CADPS2: variants seen among roughly 807,000 people sequenced by gnomAD.
CADPS2 encodes the protein calcium-dependent secretion activator 2.
Under a neutral mutation model 172.5 loss-of-function variants are expected in CADPS2, and 93 were observed. The ratio of observed to expected loss-of-function variants is 0.54; its 90% confidence interval spans 0.46 to 0.64. The LOEUF is 0.64. CADPS2 is among the 30% of genes least tolerant of loss of function. The pLI, the probability that CADPS2 is intolerant of heterozygous loss-of-function variation, is 0.00. For missense variants in CADPS2, 1,420 were observed against 1,565.9 expected (o/e 0.91, Z 1.57); for synonymous variants, 546 against 555.2 (o/e 0.98, Z 0.23).
chr7:122,342,441 C>A (rs564111534), intron 28 of CADPS2, among the ~76,000 whole-genome samples: 1 of 152,250 alleles, frequency 6.6e-6, no homozygotes, highest in South Asian at 2.1e-4. Context: ...TTATAGAGGT[C>A]AGGGATACTG....
intron 6 of CADPS2, among the ~76,000 whole-genome samples, chr7:122,608,027 G>A (rs2133692995): frequency 6.6e-6 from 1 of 152,050 alleles, no homozygotes; most frequent in Admixed American, 6.6e-5. Flanking sequence ...GACCATCCTG[G>A]CCAACACAGT....
At chr7:122,446,980 G>GA (rs1305129997) in intron 15 of CADPS2, among the ~76,000 whole-genome samples, 1 of 150,132 alleles carries the variant, frequency 6.7e-6, no homozygotes, top group African/African-American at 2.4e-5. Flanking sequence ...TTTTGGGTGG[G>GA]AGGCTAAATA....
At position 122,471,381 on chromosome 7, in the gene CADPS2, C is replaced by T. The variant is rs2055917119; in HGVS notation, c.2180G>A (p.Gly727Asp). 4 of 1,609,826 alleles carry T rather than the reference C, an allele frequency of 2.5e-6. No homozygotes were observed. The highest frequency in any genetic ancestry group is 3.4e-6 in the Non-Finnish European group (4 of 1,177,948). ...TATTTGCAAGTAAAAATACCTGTTG[C>T]CGTGCACATGAGAGGCACAGAATGC... ...SFAFCASHVH[G>D]NRPDGIGTVS... is the part of the protein sequence containing the mutation. The change falls in exon 14 of 30, where the codon GGC becomes GAC. Residue 727 changes from glycine to aspartate, a missense_variant. Gly to Asp is a moderately conservative substitution (Grantham distance 94, BLOSUM62 -1). Transcript: ENST00000449022.
intron 1 of CADPS2, among the ~76,000 whole-genome samples, chr7:122,882,095 C>A (rs564799849): frequency 6.6e-6 from 1 of 152,062 alleles, no homozygotes; most frequent in South Asian, 2.1e-4. Context: ...TTCAAATGAG[C>A]GAGTTGGAGG....
Position 122,451,415 on chromosome 7 carries a change from C to T in CADPS2, c.2247G>A (p.Glu749=), listed in dbSNP as rs765322145. The T allele has an allele frequency of 6.3e-7, 1 of 1,578,422 alleles. No homozygotes were observed. Among genetic ancestry groups the T allele is most frequent in the Admixed American group, 1.7e-5 (1 of 57,784 alleles). Residue 749 remains glutamate (E), a synonymous_variant, in exon 15 of 30, where the codon GAG becomes GAA. Coordinates refer to ENST00000449022, the MANE Select transcript of CADPS2 (RefSeq NM_017954.11). ...EEKERFEEIK[E]RLSSLLENQI... ...GATTTTCTAAAAGGGAAGAGAGTCTCTCTTTTATCTCCTCAAATCTTTCTT... is the reference window on the plus strand; with the variant it reads ...GATTTTCTAAAAGGGAAGAGAGTCTTTCTTTTATCTCCTCAAATCTTTCTT...
chr7:122,721,100 G>A (rs1432083170), intron 2 of CADPS2, among the ~76,000 whole-genome samples: 1 of 151,914 alleles, frequency 6.6e-6, no homozygotes, highest in Non-Finnish European at 1.5e-5. Context: ...AACACAAAAA[G>A]GAAAACTTAA....
intron 1 of CADPS2, among the ~76,000 whole-genome samples, chr7:122,785,008 TCTAA>T (rs1490941901): frequency 6.6e-6 from 1 of 152,202 alleles, no homozygotes; most frequent in Non-Finnish European, 1.5e-5. Context: ...CCTCAAGATT[TCTAA>T]CTTTTAATCA....
chr7:122,578,176 G>A (rs1352673123), intron 7 of CADPS2, among the ~76,000 whole-genome samples: 3 of 150,890 alleles, frequency 2.0e-5, no homozygotes, highest in African/African-American at 4.9e-5. Context: ...CATACATTAT[G>A]TATACCAACA....
chr7:122,430,126 CAG>C (rs953385409), intron 17 of CADPS2, among the ~76,000 whole-genome samples: 3 of 152,118 alleles, frequency 2.0e-5, no homozygotes, highest in Non-Finnish European at 2.9e-5. Flanking sequence ...AATAAGAACA[CAG>C]GGGTTAAACC....
chr7:122,721,624 G>A (rs986765478), intron 2 of CADPS2, among the ~76,000 whole-genome samples: 6 of 152,228 alleles, frequency 3.9e-5, no homozygotes, highest in African/African-American at 1.4e-4. Context: ...GGAGGAGCTG[G>A]TACCATTCCT....
At chr7:122,760,660 T>C (rs1368015791) in intron 1 of CADPS2, among the ~76,000 whole-genome samples, 2 of 151,844 alleles carry the variant, frequency 1.3e-5, no homozygotes, top group East Asian at 1.9e-4. Context: ...ATGTCCTTTG[T>C]AGGGACATGG....
Position 122,663,279 on chromosome 7 carries a change from A to T in CADPS2, c.744T>A (p.Gly248=). ...QLYEMFQQIL[G]IKKLEHQLLY... is the part of the protein sequence containing the mutation. ...GGAGCTGGTGTTCCAGTTTTTTAATACCCAGAATCTGCTGAAACATTTCAT... is the reference window on the plus strand; with the variant it reads ...GGAGCTGGTGTTCCAGTTTTTTAATTCCCAGAATCTGCTGAAACATTTCAT... The change falls in exon 3 of 30, where the codon GGT becomes GGA. Residue 248 remains glycine, a synonymous_variant. Coordinates refer to ENST00000449022, the MANE Select transcript of CADPS2 (RefSeq NM_017954.11). 1 of 1,613,820 alleles carries T rather than the reference A, an allele frequency of 6.2e-7. No homozygotes were observed. Among genetic ancestry groups the T allele is most frequent in the Non-Finnish European group, 8.5e-7 (1 of 1,179,810 alleles).
In CADPS2 at chr7:122,387,222, C is replaced by A. The variant is rs201650811; in HGVS notation, c.3165-49G>T. The stretch of plus-strand genomic sequence containing the variant: ...GAGTAAGAAATTCTGCTATACAGCT[C>A]ACCTGTTTTGTAAAAAGTGAAATCA... On this transcript the variant is annotated intron_variant, in intron 23 of 29. Transcript: ENST00000449022. 1.2e-5 allele frequency: 19 copies of A among 1,527,378 alleles called. No homozygotes were observed. In the East Asian group the frequency reaches 3.6e-4, roughly 29 times the overall value. The allele number at this position is 1,527,378 out of a possible 1,614,324, so 94.6% of individuals were successfully genotyped here.
chr7:122,698,594 C>CT, intron 2 of CADPS2: 1 of 1,613,990 alleles, frequency 6.2e-7, no homozygotes. Flanking sequence ...AAGGTACAAC[C>CT]TCCCCGTTCA....
chr7:122,573,745 G>A (rs1160597380), intron 7 of CADPS2, among the ~76,000 whole-genome samples: 1 of 151,986 alleles, frequency 6.6e-6, no homozygotes, highest in Non-Finnish European at 1.5e-5. Context: ...AAGTGCACTG[G>A]CAGCCAGATA....
At chr7:122,728,785 G>A (rs2091355648) in intron 2 of CADPS2, among the ~76,000 whole-genome samples, 1 of 151,536 alleles carries the variant, frequency 6.6e-6, no homozygotes. Context: ...GGGCACTTGT[G>A]ATATTCTGTT....
chr7:122,393,509 A>G lies in CADPS2; in HGVS notation c.2820T>C (p.Asp940=), dbSNP rs760326067. Residue 940 remains aspartate, a synonymous_variant, in exon 21 of 30, where the codon GAT becomes GAC. Coordinates refer to ENST00000449022, the MANE Select transcript of CADPS2 (RefSeq NM_017954.11). ...IFVPLVVRYV[D]LMESSIAQSI... is the part of the protein sequence containing the mutation. ...ACTGGGCGATGGAAGACTCCATGAG[A>G]TCCACATAGCGGACAACCAAGGGTA... 5.6e-6 allele frequency: 9 copies of G among 1,613,786 alleles called. No individual in the cohort carries two copies. In the South Asian group the frequency reaches 8.8e-5, roughly 16 times the overall value.
At chr7:122,421,879 T>C (rs192839957) in intron 17 of CADPS2, 2 of 152,360 alleles carry the variant, frequency 1.3e-5, no homozygotes, top group Admixed American at 6.5e-5. Flanking sequence ...AATGAAATTA[T>C]TGTGGTGGGT....
At chr7:122,511,965 C>A (rs183041255) in intron 9 of CADPS2, among the ~76,000 whole-genome samples, 1 of 152,188 alleles carries the variant, frequency 6.6e-6, no homozygotes, top group Non-Finnish European at 1.5e-5. Flanking sequence ...AAACAGGTAA[C>A]CTTTTTCAAA....
Sources: gnomAD v4.1 joint callset for allele counts (sites outside exome capture counted in the v4.1 genomes callset) on GRCh38, gnomAD v4.1.1 for gene constraint, MANE v1.5 for transcripts, NCBI Gene and HGNC (gene_info 2026-07-23, HGNC 2026-07-21) for gene names.